PDE10A: variants seen among roughly 807,000 people sequenced by gnomAD.
PDE10A encodes the protein cAMP and cAMP-inhibited cGMP 3',5'-cyclic phosphodiesterase 10A.
In PDE10A, 39 loss-of-function variants were observed where a neutral mutation model predicts 97.7. The observed-to-expected ratio is 0.40, with a 90% CI of 0.31 to 0.52. PDE10A has a LOEUF of 0.52. Ranked by LOEUF, PDE10A falls within the 20% of genes least tolerant of loss-of-function variation. The pLI is 0.56. For synonymous variants in PDE10A, 371 were observed against 376.8 expected (o/e 0.98, Z 0.18); for missense variants, 731 against 1,047.8 (o/e 0.70, Z 4.17).
intron 1 of PDE10A, among the ~76,000 whole-genome samples, chr6:165,725,558 C>T (rs575270874): frequency 5.5e-4 from 84 of 152,332 alleles, no homozygotes; most frequent in Admixed American, 2.2e-3. Flanking sequence ...CTTTAGCCAT[C>T]GGTTCCTGCC....
chr6:165,467,879 A>G (rs1778750181), intron 3 of PDE10A, among the ~76,000 whole-genome samples: 1 of 152,218 alleles, frequency 6.6e-6, no homozygotes, highest in South Asian at 2.1e-4. Context: ...TATGAAAGGA[A>G]GAGTCGGCTG....
intron 1 of PDE10A, among the ~76,000 whole-genome samples, chr6:165,741,816 A>G (rs1032121067): frequency 2.6e-5 from 4 of 152,230 alleles, no homozygotes; most frequent in Non-Finnish European, 5.9e-5. Flanking sequence ...GATTTACTTT[A>G]TGAAAAAAAT....
intron 21 of PDE10A, among the ~76,000 whole-genome samples, chr6:165,334,160 T>C (rs1004843450): frequency 2.0e-5 from 3 of 152,256 alleles, no homozygotes; most frequent in East Asian, 1.9e-4. Context: ...AAGATTAAAA[T>C]GGCCTTTAAG....
chr6:165,985,334 T>A (rs1330996493), intron 1 of PDE10A, among the ~76,000 whole-genome samples: 1 of 152,240 alleles, frequency 6.6e-6, no homozygotes, highest in African/African-American at 2.4e-5. Context: ...ATAACAGGTG[T>A]CTGCCTGGGT....
chr6:165,517,172 G>A (rs1219452398), intron 2 of PDE10A, among the ~76,000 whole-genome samples: 14 of 152,086 alleles, frequency 9.2e-5, no homozygotes, highest in Non-Finnish European at 1.5e-5. Context: ...GCCACCAACT[G>A]ATTCTTCCTT....
At chr6:165,384,675 G>GT (rs1785169775) in intron 17 of PDE10A, among the ~76,000 whole-genome samples, 1 of 105,280 alleles carries the variant, frequency 9.5e-6, no homozygotes, top group African/African-American at 4.5e-5. Context: ...TGTGTATGGG[G>GT]GGGGGCGACT....
intron 3 of PDE10A, among the ~76,000 whole-genome samples, chr6:165,471,591 G>A (rs1779011107): frequency 6.6e-6 from 1 of 152,010 alleles, no homozygotes; most frequent in Non-Finnish European, 1.5e-5. Flanking sequence ...CATCCTGCAG[G>A]CCCTCCCATG....
chr6:165,863,397 G>T (rs1780958485), intron 1 of PDE10A, among the ~76,000 whole-genome samples: 1 of 152,128 alleles, frequency 6.6e-6, no homozygotes, highest in Admixed American at 6.5e-5. Context: ...TAGAAAACAG[G>T]TTTAATGTCA....
chr6:165,922,559 G>T (rs1253357147), intron 1 of PDE10A, among the ~76,000 whole-genome samples: 2 of 152,124 alleles, frequency 1.3e-5, no homozygotes, highest in Non-Finnish European at 2.9e-5. Flanking sequence ...AAAAAATCTG[G>T]GACAATCTGT....
At chr6:165,917,795 G>A (rs998558805) in intron 1 of PDE10A, among the ~76,000 whole-genome samples, 5 of 152,272 alleles carry the variant, frequency 3.3e-5, no homozygotes, top group African/African-American at 1.2e-4. Flanking sequence ...GCCCAGCTTA[G>A]GCGCCATCTC....
intron 2 of PDE10A, among the ~76,000 whole-genome samples, chr6:165,499,188 T>C (rs1400159547): frequency 6.6e-6 from 1 of 152,052 alleles, no homozygotes; most frequent in Non-Finnish European, 1.5e-5. Context: ...AGGCCAACAG[T>C]AGCCGGGGAA....
At chr6:165,810,792 C>T (rs12528550) in intron 1 of PDE10A, among the ~76,000 whole-genome samples, 43,318 of 151,972 alleles carry the variant, frequency 0.29, 7,108 homozygotes, top group African/African-American at 0.46. Context: ...GGGCTTTACC[C>T]TGTGGACTCT....
intron 18 of PDE10A, among the ~76,000 whole-genome samples, chr6:165,354,537 C>G (rs1782901955): frequency 1.3e-5 from 2 of 152,164 alleles, no homozygotes; most frequent in African/African-American, 4.8e-5. Flanking sequence ...TTGAATAATT[C>G]AAATCAGTTG....
chr6:165,932,842 T>C (rs1263078642), intron 1 of PDE10A, among the ~76,000 whole-genome samples: 1 of 152,194 alleles, frequency 6.6e-6, no homozygotes, highest in African/African-American at 2.4e-5. Flanking sequence ...ACTCAGGAAG[T>C]TGGTGCAAGA....
intron 1 of PDE10A, among the ~76,000 whole-genome samples, chr6:165,725,633 C>CCTGA (rs71552888): frequency 0.35 from 53,578 of 151,934 alleles, 9,753 homozygotes; most frequent in Non-Finnish European, 0.41. Flanking sequence ...ATGTACTGAA[C>CCTGA]CTGTCTCCTG....
At chr6:165,401,568 G>A (rs554490592) in intron 13 of PDE10A, among the ~76,000 whole-genome samples, 10 of 152,230 alleles carry the variant, frequency 6.6e-5, no homozygotes, top group South Asian at 2.1e-4. Flanking sequence ...TAGCACAAAC[G>A]AAAACGCATG....
At chr6:165,799,048 C>T (rs1583108061) in intron 1 of PDE10A, among the ~76,000 whole-genome samples, 3 of 152,204 alleles carry the variant, frequency 2.0e-5, no homozygotes, top group African/African-American at 2.4e-5. Flanking sequence ...AATGAAGATG[C>T]GATTATTAAT....
intron 1 of PDE10A, among the ~76,000 whole-genome samples, chr6:165,748,920 T>C (rs1193927115): frequency 1.3e-5 from 2 of 152,184 alleles, no homozygotes; most frequent in Non-Finnish European, 2.9e-5. Context: ...CAGGGTTGAA[T>C]TTCTAATGTA....
intron 1 of PDE10A, among the ~76,000 whole-genome samples, chr6:165,943,361 A>AAAGAAAGAAAGAAAGAAAGAAGAAAGG (rs1167502272): frequency 1.1e-5 from 1 of 89,860 alleles, no homozygotes; most frequent in Non-Finnish European, 2.4e-5. Context: ...AGAAAGAAAG[A>AAAGAAAGAAAGAAAGAAAGAAGAAAGG]GAAAGAAAGA....
Sources: allele counts gnomAD v4.1 joint callset (sites outside exome capture counted in the v4.1 genomes callset), GRCh38; gene constraint gnomAD v4.1.1; transcripts MANE v1.5; gene names NCBI Gene and HGNC (gene_info 2026-07-23, HGNC 2026-07-21).